NXPE1: variants seen among roughly 807,000 people sequenced by gnomAD.
NXPE1 encodes NXPE family member 1.
NXPE1 carries 31 observed loss-of-function variants against 33.3 expected under a neutral mutation model. That is an observed-to-expected ratio of 0.93 (90% CI 0.70 to 1.26). The LOEUF (loss-of-function observed/expected upper bound fraction) is 1.26. NXPE1 is among the 50% of genes most tolerant of loss of function. The pLI, the probability that NXPE1 is intolerant of heterozygous loss-of-function variation, is 0.00. For missense variants in NXPE1, 661 were observed against 655.6 expected, an observed-to-expected ratio of 1.01 and a Z score of -0.09; for synonymous variants, 229 against 231.4, an observed-to-expected ratio of 0.99 and a Z score of 0.09.
chr11:114,559,206 C>G (rs1360794904), intron 1 of NXPE1, among the ~76,000 whole-genome samples: 1 of 152,164 alleles, frequency 6.6e-6, no homozygotes, highest in Non-Finnish European at 1.5e-5. Context: ...GTTTATGACT[C>G]ATCCTACTGC....
intron 8 of NXPE1, 64 bp downstream of exon 8, chr11:114,522,815 G>C: frequency 8.7e-7 from 1 of 1,148,928 alleles, no homozygotes; most frequent in Admixed American, 1.8e-5. Context: ...AGAGAATAGA[G>C]ACCTCATTAA....
chr11:114,540,109 T>C (rs1386287706), intron 5 of NXPE1, among the ~76,000 whole-genome samples: 1 of 152,194 alleles, frequency 6.6e-6, no homozygotes, highest in Non-Finnish European at 1.5e-5. Context: ...ACGCCTGCCA[T>C]CATGCCTGAC....
chr11:114,547,972 G>T (rs1182385451), intron 5 of NXPE1, among the ~76,000 whole-genome samples: 3 of 151,716 alleles, frequency 2.0e-5, no homozygotes, highest in Non-Finnish European at 4.4e-5. Flanking sequence ...CTAACCTAAA[G>T]TAAAAAGTTT....
At chr11:114,559,395 A>T (rs1400083687) in intron 1 of NXPE1, among the ~76,000 whole-genome samples, 1 of 152,202 alleles carries the variant, frequency 6.6e-6, no homozygotes, top group African/African-American at 2.4e-5. Context: ...TCATACATAA[A>T]ACAAGGCAAA....
At chr11:114,522,943 G>C (rs748690960) in exon 8 of NXPE1, 1 of 1,613,466 alleles carries the variant, frequency 6.2e-7, no homozygotes, top group Non-Finnish European at 8.5e-7. Flanking sequence ...GGAGGTAAAT[G>C]AGTTTGCCTT....
chr11:114,521,973 A>G, exon 9 of NXPE1: 1 of 1,608,038 alleles, frequency 6.2e-7, no homozygotes, highest in Non-Finnish European at 8.5e-7. Context: ...ATCCCTTAGC[A>G]AATGTAGTTT....
intron 1 of NXPE1, among the ~76,000 whole-genome samples, chr11:114,555,348 T>C (rs549881755): frequency 1.4e-4 from 21 of 152,098 alleles, no homozygotes. Context: ...CTCAGCCTCC[T>C]GAGTAGCTGG....
intron 5 of NXPE1, among the ~76,000 whole-genome samples, chr11:114,539,196 T>C (rs1434566429): frequency 6.7e-6 from 1 of 149,300 alleles, no homozygotes; most frequent in Non-Finnish European, 1.5e-5. Flanking sequence ...AAAAACCAAA[T>C]ACCGCATGTT....
intron 5 of NXPE1, among the ~76,000 whole-genome samples, chr11:114,537,231 C>T (rs1018653100): frequency 6.6e-6 from 1 of 152,122 alleles, no homozygotes; most frequent in Non-Finnish European, 1.5e-5. Flanking sequence ...AATTCAACAA[C>T]CCTTCATGCT....
chr11:114,550,985 A>G, intron 5 of NXPE1, 118 bp downstream of exon 5: 1 of 611,832 alleles, frequency 1.6e-6, no homozygotes, highest in Non-Finnish European at 2.9e-6. Context: ...GAGAGAAGAT[A>G]GGGCAGTAGT....
At chr11:114,541,102 T>C (rs1247734970) in intron 5 of NXPE1, among the ~76,000 whole-genome samples, 1 of 151,968 alleles carries the variant, frequency 6.6e-6, no homozygotes, top group African/African-American at 2.4e-5. Flanking sequence ...TAACCACAGG[T>C]TGGGTCAGTT....
chr11:114,538,673 A>G (rs1189275122), intron 5 of NXPE1, among the ~76,000 whole-genome samples: 1 of 152,248 alleles, frequency 6.6e-6, no homozygotes, highest in Non-Finnish European at 1.5e-5. Flanking sequence ...GCCAAAAAAC[A>G]CGTGAAAAAA....
At chr11:114,554,792 C>T (rs541189711) in intron 1 of NXPE1, among the ~76,000 whole-genome samples, 1 of 152,296 alleles carries the variant, frequency 6.6e-6, no homozygotes, top group African/African-American at 2.4e-5. Flanking sequence ...GATTACTAAA[C>T]TTTATTTAGA....
chr11:114,536,413 G>C (rs2135009927), intron 5 of NXPE1, among the ~76,000 whole-genome samples: 1 of 152,082 alleles, frequency 6.6e-6, no homozygotes, highest in South Asian at 2.1e-4. Context: ...GCTAGCAGAA[G>C]GCAAGAAATA....
intron 5 of NXPE1, among the ~76,000 whole-genome samples, chr11:114,531,401 C>A (rs1041789389): frequency 6.6e-6 from 1 of 152,138 alleles, no homozygotes; most frequent in East Asian, 1.9e-4. Flanking sequence ...CATTTATCTC[C>A]TGGATTATAG....
At chr11:114,554,350 A>G (rs1948600395) in intron 1 of NXPE1, 1 of 985,206 alleles carries the variant, frequency 1.0e-6, no homozygotes, top group Non-Finnish European at 1.2e-6. Context: ...TACTTGTGTA[A>G]ATGAGAGGGG....
At chr11:114,550,999 G>A (rs78612878) in intron 5 of NXPE1, 104 bp downstream of exon 5, 1 of 640,806 alleles carries the variant, frequency 1.6e-6, no homozygotes, top group Non-Finnish European at 2.8e-6. Context: ...CAGTAGTTGA[G>A]GTGGGGGAGG....
chr11:114,536,496 G>T (rs1189076874), intron 5 of NXPE1, among the ~76,000 whole-genome samples: 2 of 152,082 alleles, frequency 1.3e-5, no homozygotes, highest in Non-Finnish European at 2.9e-5. Flanking sequence ...TCCAGGAGCT[G>T]GTTTTTTGAA....
chr11:114,546,601 C>T (rs567701605), intron 5 of NXPE1, among the ~76,000 whole-genome samples: 19 of 151,748 alleles, frequency 1.3e-4, no homozygotes, highest in Non-Finnish European at 1.6e-4. Flanking sequence ...CATGCCTGGC[C>T]AATATTTCTG....
Sources: allele counts gnomAD v4.1 joint callset (sites outside exome capture counted in the v4.1 genomes callset), GRCh38; gene constraint gnomAD v4.1.1; transcripts MANE v1.5; gene names NCBI Gene and HGNC (gene_info 2026-07-23, HGNC 2026-07-21).